Variants in CLSTN1 observed in about 807,000 individuals in gnomAD.
The protein encoded by CLSTN1 is calsyntenin 1.
A neutral mutation model predicts 108.3 loss-of-function variants in CLSTN1; 28 were observed. That is an observed-to-expected ratio of 0.26 (90% CI 0.19 to 0.35). CLSTN1 has a LOEUF of 0.35. CLSTN1 is among the 10% of genes least tolerant of loss of function. CLSTN1 has a pLI of 1.00. For missense variants in CLSTN1, 1,157 were observed against 1,302.6 expected, an observed-to-expected ratio of 0.89 and a Z score of 1.72; for synonymous variants, 524 against 534.9, an observed-to-expected ratio of 0.98 and a Z score of 0.28.
Position 9,749,493 on chromosome 1 carries a change from G to A in CLSTN1, c.953C>T (p.Thr318Ile). 2 of 1,613,728 alleles carry A rather than the reference G, an allele frequency of 1.2e-6. No homozygotes were observed. Among genetic ancestry groups the A allele is most frequent in the South Asian group, 1.1e-5 (1 of 91,070 alleles). Reference sequence around the variant, plus strand: ...CCGGTGGAGGGACTTCTCTGAGTAGGTGTCTCGGTCGCAGCCTTTCCCTAT... The same window carrying A: ...CCGGTGGAGGGACTTCTCTGAGTAGATGTCTCGGTCGCAGCCTTTCCCTAT... ...SHIGKGCDRD[T>I]YSEKSLHRLC... The change falls in exon 7 of 19, where the codon ACC (threonine) becomes ATC (isoleucine). Residue 318 changes from threonine to isoleucine, a missense_variant. Thr to Ile is a moderately conservative substitution (Grantham distance 89, BLOSUM62 -1). Coordinates refer to ENST00000377298, the MANE Select transcript of CLSTN1 (RefSeq NM_001009566.3).
chr1:9,802,465 T>C (rs1654316927), intron 1 of CLSTN1, among the ~76,000 whole-genome samples: 1 of 152,168 alleles, frequency 6.6e-6, no homozygotes, highest in African/African-American at 2.4e-5. Context: ...GCTACAAATT[T>C]TCAAATAATG....
intron 1 of CLSTN1, among the ~76,000 whole-genome samples, chr1:9,777,902 G>A (rs1013857964): frequency 5.9e-5 from 9 of 152,004 alleles, no homozygotes; most frequent in African/African-American, 1.2e-4. Context: ...TATCTCACTC[G>A]GGCTCTGTTG....
chr1:9,778,445 G>A (rs1272405597), intron 1 of CLSTN1, among the ~76,000 whole-genome samples: 4 of 152,110 alleles, frequency 2.6e-5, no homozygotes, highest in African/African-American at 9.7e-5. Context: ...TTGGAGCTGG[G>A]AATTCAAAAG....
chr1:9,759,712 G>A (rs887703701), intron 2 of CLSTN1, among the ~76,000 whole-genome samples: 3 of 152,216 alleles, frequency 2.0e-5, no homozygotes, highest in African/African-American at 7.2e-5. Flanking sequence ...AGAGATCCGA[G>A]GGGCCCCAAA....
At chr1:9,763,569 G>T (rs578037095) in intron 2 of CLSTN1, among the ~76,000 whole-genome samples, 54 of 152,234 alleles carry the variant, frequency 3.5e-4, no homozygotes, top group Non-Finnish European at 3.8e-4. Flanking sequence ...GATTTCTCAG[G>T]TGCCACTCCT....
At chr1:9,769,725 C>G (rs545718541) in intron 2 of CLSTN1, among the ~76,000 whole-genome samples, 4 of 152,254 alleles carry the variant, frequency 2.6e-5, no homozygotes, top group African/African-American at 9.6e-5. Context: ...CATTCTAAAA[C>G]TCAATGAGCT....
chr1:9,772,861 T>G (rs1430850884), intron 2 of CLSTN1, among the ~76,000 whole-genome samples: 1 of 152,158 alleles, frequency 6.6e-6, no homozygotes, highest in Non-Finnish European at 1.5e-5. Context: ...GCGCTGTGAT[T>G]CTCCGGCTCC....
intron 4 of CLSTN1, among the ~76,000 whole-genome samples, chr1:9,754,104 G>T (rs1371408183): frequency 6.6e-6 from 1 of 152,116 alleles, no homozygotes; most frequent in Non-Finnish European, 1.5e-5. Context: ...ACTGCACCTG[G>T]CCAACAATGA....
intron 1 of CLSTN1, among the ~76,000 whole-genome samples, chr1:9,812,086 G>A (rs538791812): frequency 9.9e-5 from 15 of 152,176 alleles, no homozygotes; most frequent in Admixed American, 9.8e-4. Flanking sequence ...GCAGTGAGCC[G>A]AGATCGCACC....
chr1:9,735,396 G>T, intron 13 of CLSTN1, 71 bp downstream of exon 13: 1 of 1,594,240 alleles, frequency 6.3e-7, no homozygotes, highest in Non-Finnish European at 8.6e-7. Flanking sequence ...AAGGGGTTAG[G>T]CTGTCTTAAA....
chr1:9,771,673 CTG>C (rs1430533520), intron 2 of CLSTN1, among the ~76,000 whole-genome samples: 1 of 152,032 alleles, frequency 6.6e-6, no homozygotes, highest in Non-Finnish European at 1.5e-5. Flanking sequence ...TGGACAAATG[CTG>C]TGTGTGTGTT....
At chr1:9,776,219 C>T (rs886219419) in intron 1 of CLSTN1, among the ~76,000 whole-genome samples, 3 of 151,866 alleles carry the variant, frequency 2.0e-5, no homozygotes, top group Non-Finnish European at 4.4e-5. Flanking sequence ...CCGCCCACCT[C>T]GCCTCCCAAA....
intron 1 of CLSTN1, 108 bp from the exon 2 acceptor site, chr1:9,773,502 G>A (rs1652791032): frequency 8.1e-7 from 1 of 1,232,440 alleles, no homozygotes; most frequent in Non-Finnish European, 1.1e-6. Flanking sequence ...ACTCTCATTA[G>A]GCTTGAAGAC....
At chr1:9,740,716 C>T (rs1650936989) in intron 10 of CLSTN1, among the ~76,000 whole-genome samples, 2 of 152,224 alleles carry the variant, frequency 1.3e-5, no homozygotes, top group African/African-American at 4.8e-5. Flanking sequence ...CGCACTTCTA[C>T]TTCTGCGTCC....
At chr1:9,765,557 GA>G (rs1652285831) in intron 2 of CLSTN1, among the ~76,000 whole-genome samples, 2 of 150,926 alleles carry the variant, frequency 1.3e-5, no homozygotes, top group Admixed American at 6.6e-5. Context: ...TTGAACCCGG[GA>G]AACGGAGACT....
intron 1 of CLSTN1, among the ~76,000 whole-genome samples, chr1:9,796,241 G>A (rs1256870871): frequency 2.2e-4 from 31 of 141,064 alleles, no homozygotes; most frequent in African/African-American, 6.8e-4. Flanking sequence ...CAGCCTGGGC[G>A]ACAGGGCAAG....
intron 5 of CLSTN1, chr1:9,750,293 G>C (rs1426712089): frequency 2.7e-5 from 5 of 183,836 alleles, no homozygotes; most frequent in African/African-American, 9.5e-5. Context: ...AAAAGAAAGA[G>C]AGATTTCCTA....
chr1:9,804,063 C>A (rs1654398906), intron 1 of CLSTN1, among the ~76,000 whole-genome samples: 1 of 151,858 alleles, frequency 6.6e-6, no homozygotes, highest in East Asian at 1.9e-4. Context: ...TCTTGCCTTT[C>A]CCTTATTAAA....
rs373205817 is a variant in CLSTN1, at chr1:9,765,241, G to A, written c.214+8031C>T. 7.9e-5 allele frequency among the ~76,000 whole-genome samples: 12 copies of A among 151,972 alleles called. No individual in the cohort carries two copies. In the East Asian group the frequency reaches 1.2e-3, roughly 15 times the overall value. Reference sequence around the variant, plus strand: ...CTCTACTAAAAATACAAAATTAGCCGGGCGTGGTGGCGGGCGCCTGCAATC... The same window carrying A: ...CTCTACTAAAAATACAAAATTAGCCAGGCGTGGTGGCGGGCGCCTGCAATC... On this transcript the variant is annotated intron_variant, in intron 2 of 18. Coordinates refer to ENST00000377298, the MANE Select transcript of CLSTN1 (RefSeq NM_001009566.3).
Sources: gnomAD v4.1 joint callset for allele counts (sites outside exome capture counted in the v4.1 genomes callset) on GRCh38, gnomAD v4.1.1 for gene constraint, MANE v1.5 for transcripts, NCBI Gene and HGNC (gene_info 2026-07-23, HGNC 2026-07-21) for gene names.